The following PRR3 variants were observed in gnomAD, a reference collection of about 807,000 sequenced individuals.
PRR3 encodes the protein proline-rich protein 3.
Under a neutral mutation model 22.4 loss-of-function variants are expected in PRR3, and 16 were observed. That is an observed-to-expected ratio of 0.71 (90% confidence interval 0.48 to 1.09). The LOEUF is 1.09. Among genes scored for constraint, PRR3 ranks in the 50% least tolerant of loss-of-function variants. The probability of loss-of-function intolerance (pLI) is 0.00; values close to 1 mark genes in which losing one functional copy is unlikely to be tolerated. For missense variants in PRR3, 224 were observed against 243.4 expected, an observed-to-expected ratio of 0.92 and a Z score of 0.53; for synonymous variants, 87 against 88.6, an observed-to-expected ratio of 0.98 and a Z score of 0.10.
At position 30,561,341 on chromosome 6, in the gene PRR3, A is replaced by G. The variant is rs751204997; in HGVS notation, c.170-493A>G. 2.2e-6 allele frequency: 1 copy of G among 459,692 alleles called. No homozygotes were observed. Among genetic ancestry groups the G allele is most frequent in the South Asian group, 1.6e-5 (1 of 64,486 alleles). The allele number at this position is 459,692 out of a possible 1,614,324, so 28.5% of individuals were successfully genotyped here. A position where few individuals can be genotyped will look rare whatever the true frequency, so the allele number is the denominator to read the frequency against. ...TTCTCGTTATAGCCCCAAACTGGATACCACCCACATGTCCATCATCAGTAG... is the reference window on the plus strand; with the variant it reads ...TTCTCGTTATAGCCCCAAACTGGATGCCACCCACATGTCCATCATCAGTAG... On this transcript the variant is annotated intron_variant, in intron 2 of 3. Transcript: ENST00000376560. This position sits in a 1 kb window ranked among gnomAD's most constrained non-coding sequence, Gnocchi z 4.0.
Position 30,561,380 on chromosome 6 carries a change from A to G in PRR3, c.170-454A>G, listed in dbSNP as rs1318409047. On this transcript the variant is annotated intron_variant, in intron 2 of 3. Coordinates refer to ENST00000376560, the MANE Select transcript of PRR3 (RefSeq NM_025263.4). The surrounding 1 kb of genome is among the most constrained non-coding windows in gnomAD (Gnocchi z 4.0). ...CATCATCAGTAGAATGGATAAATAA[A>G]TTGTTGTGTATGCATGCAATGGGAC... 4.3e-6 allele frequency: 2 copies of G among 465,292 alleles called. No homozygotes were observed. The highest frequency in any genetic ancestry group is 3.1e-5 in the South Asian group (2 of 64,646). The allele number at this position is 465,292 out of a possible 1,614,324, so 28.8% of individuals were successfully genotyped here.
Position 30,562,535 on chromosome 6 carries a change from G to A in PRR3, c.*40G>A, listed in dbSNP as rs775021107. The A allele has an allele frequency of 2.3e-6, 3 of 1,293,392 alleles. No homozygotes were observed. In the Admixed American group the frequency reaches 5.2e-5, roughly 22 times the overall value. The allele number at this position is 1,293,392 out of a possible 1,614,324, so 80.1% of individuals were successfully genotyped here. A position where few individuals can be genotyped will look rare whatever the true frequency, so the allele number is the denominator to read the frequency against. On this transcript the variant is annotated 3_prime_UTR_variant, in exon 4 of 4. Coordinates refer to ENST00000376560, the MANE Select transcript of PRR3 (RefSeq NM_025263.4). ...ATCCAGGCTGGAAGGAGCTCTCTGT[G>A]ACCTAGCGGCCATTTATTTCTCTGT...
At position 30,557,298 on chromosome 6, in the gene PRR3, T is replaced by A. The variant is rs779632502; in HGVS notation, c.-47T>A. 5 of 1,488,914 alleles carry A rather than the reference T, an allele frequency of 3.4e-6. No homozygotes were observed. In the South Asian group the frequency reaches 5.8e-5, roughly 17 times the overall value. The allele number at this position is 1,488,914 out of a possible 1,614,324, so 92.2% of individuals were successfully genotyped here. ...CGGAAACAGAATCCCCGCGTGCCCC[T>A]TCCTCACTACCCTCCAAATCCCGCT... is the stretch of plus-strand genomic sequence containing the variant. On this transcript the variant is annotated 5_prime_UTR_variant, in exon 1 of 4. Transcript: ENST00000376560.
chr6:30,562,411 C>T lies in PRR3; in HGVS notation c.483C>T (p.Cys161=), dbSNP rs550955678. The change falls in exon 4 of 4, where the codon TGC becomes TGT. Residue 161 remains cysteine (C), a synonymous_variant. Coordinates refer to ENST00000376560, the MANE Select transcript of PRR3 (RefSeq NM_025263.4). ...CAGACAAATCCGACCGCCCTGTCTG[C>T]CGACATTTTGCCAAAAAGGGCCACT... ...VMEDKSDRPV[C]RHFAKKGHCR... 1.8e-5 allele frequency: 29 copies of T among 1,614,050 alleles called. No homozygotes were observed. In the South Asian group the frequency reaches 3.0e-4, roughly 16 times the overall value.
intron 1 of PRR3, 94 bp downstream of exon 1, chr6:30,557,544 GA>G: frequency 1.2e-6 from 1 of 839,664 alleles, no homozygotes; most frequent in Non-Finnish European, 1.9e-6. Context: ...GGCTGTAACG[GA>G]AGGAGGAAGG....
In PRR3 at chr6:30,561,457, C is replaced by T; in HGVS notation, c.170-377C>T. ...GCTGCTACAGGCAACCTGGATGAAT[C>T]TCACAAACATGATGTTGAGCGAAAG... On this transcript the variant is annotated intron_variant, in intron 2 of 3. Transcript: ENST00000376560. The surrounding 1 kb of genome is among the most constrained non-coding windows in gnomAD (Gnocchi z 4.0). 2.0e-6 allele frequency: 1 copy of T among 505,324 alleles called. No individual in the cohort carries two copies. The highest frequency in any genetic ancestry group is 5.4e-5 in the East Asian group (1 of 18,548). The allele number at this position is 505,324 out of a possible 1,614,324, so 31.3% of individuals were successfully genotyped here. A position where few individuals can be genotyped will look rare whatever the true frequency, so the allele number is the denominator to read the frequency against.
intron 3 of PRR3, 98 bp from the exon 4 acceptor site, chr6:30,562,291 G>C (rs894578279): frequency 8.6e-7 from 1 of 1,167,870 alleles, no homozygotes; most frequent in East Asian, 2.4e-5. Flanking sequence ...GAAATGGTAG[G>C]GGGTAGAAAA....
upstream of PRR3, chr6:30,556,945 G>A (rs1800259729): frequency 1.6e-6 from 1 of 623,484 alleles, no homozygotes; most frequent in East Asian, 2.7e-5. The surrounding 1 kb of genome is among the most constrained non-coding windows in gnomAD (Gnocchi z 5.7). Flanking sequence ...TGTGCCTGCA[G>A]CTGTTACCAT....
intron 2 of PRR3, among the ~76,000 whole-genome samples, chr6:30,559,678 G>A (rs1169511827): frequency 2.6e-5 from 4 of 152,072 alleles, no homozygotes; most frequent in Non-Finnish European, 4.4e-5. Context: ...TACTGCTGCT[G>A]GGATTATAAA....
chr6:30,563,110 T>G lies in PRR3; in HGVS notation c.*615T>G, dbSNP rs894804709. ...TATGGTCTATCTATGATCACCGTGC[T>G]TTGTGAAACTGTGCATCCCCTTGTA... On this transcript the variant is annotated 3_prime_UTR_variant, in exon 4 of 4. Coordinates refer to ENST00000376560, the MANE Select transcript of PRR3 (RefSeq NM_025263.4). 1 of 152,628 alleles carries G rather than the reference T, an allele frequency of 6.6e-6. No homozygotes were observed. Among genetic ancestry groups the G allele is most frequent in the Non-Finnish European group, 1.5e-5 (1 of 68,058 alleles). 9.5% of individuals were successfully genotyped at this position (152,628 alleles called of 1,614,324 possible).
At chr6:30,559,106 A>G (rs77138191) in intron 2 of PRR3, among the ~76,000 whole-genome samples, 3,110 of 152,320 alleles carry the variant, frequency 0.02, 97 homozygotes, top group African/African-American at 0.068. Context: ...GGCTGGGTAC[A>G]GTGGCTCACG....
intron 2 of PRR3, 165 bp downstream of exon 2, chr6:30,558,377 A>C: frequency 1.6e-6 from 1 of 608,752 alleles, no homozygotes; most frequent in Non-Finnish European, 2.9e-6. Flanking sequence ...TGTTGTAAAA[A>C]TGTCACTTCT....
At position 30,561,824 on chromosome 6, in the gene PRR3, C is replaced by G. The variant is rs762940428; in HGVS notation, c.170-10C>G. ...CACCTTTCTGTGTCTCTCTCTCTCT[C>G]TCTCTCCAGCTCTTCACAGAGGTCC... is the stretch of plus-strand genomic sequence containing the variant. On this transcript the variant is annotated splice_polypyrimidine_tract_variant and intron_variant, in intron 2 of 3. Transcript: ENST00000376560. This position sits in a 1 kb window ranked among gnomAD's most constrained non-coding sequence, Gnocchi z 4.0. The G allele has an allele frequency of 6.5e-7, 1 of 1,529,054 alleles. No individual in the cohort carries two copies. Among genetic ancestry groups the G allele is most frequent in the Non-Finnish European group, 8.8e-7 (1 of 1,136,950 alleles). 94.7% of individuals were successfully genotyped at this position (1,529,054 alleles called of 1,614,324 possible).
Position 30,557,369 on chromosome 6 carries a change from C to A in PRR3, c.25C>A (p.His9Asn). The change falls in exon 1 of 4, where the codon CAT becomes AAT. Residue 9 changes from histidine (H) to asparagine (N), a missense_variant. His to Asn is a moderately conservative substitution (Grantham distance 68). Transcript: ENST00000376560. MPKRKKQN[H>N]HQPPTQQQPP... Reference sequence around the variant, plus strand: ...GATGCCGAAACGAAAGAAGCAGAATCATCACCAGCCACCGACACAGCAGCA... The same window carrying A: ...GATGCCGAAACGAAAGAAGCAGAATAATCACCAGCCACCGACACAGCAGCA... 1 of 1,612,642 alleles carries A rather than the reference C, an allele frequency of 6.2e-7. No individual in the cohort carries two copies. The highest frequency in any genetic ancestry group is 2.2e-5 in the East Asian group (1 of 44,884).
chr6:30,556,781 G>T, upstream of PRR3: 1 of 450,702 alleles, frequency 2.2e-6, no homozygotes, highest in Non-Finnish European at 4.0e-6. The surrounding 1 kb of genome is among the most constrained non-coding windows in gnomAD (Gnocchi z 5.7). Flanking sequence ...GAGGGCGGCG[G>T]TCTGAGAGTC....
chr6:30,562,266 A>G (rs56165602), intron 3 of PRR3, 123 bp from the exon 4 acceptor site: 3 of 1,180,688 alleles, frequency 2.5e-6, no homozygotes, highest in Admixed American at 4.3e-5. Flanking sequence ...AAAGACTACC[A>G]TTCCAAAATA....
Position 30,557,402 on chromosome 6 carries a change from C to A in PRR3, c.58C>A (p.Leu20Met), listed in dbSNP as rs753779511. 1.2e-6 allele frequency: 2 copies of A among 1,612,746 alleles called. No homozygotes were observed. The highest frequency in any genetic ancestry group is 2.2e-5 in the South Asian group (2 of 91,056). ...HQPPTQQQPP[L>M]PEREETGDEE... ...GCCACCGACACAGCAGCAGCCCCCG[C>A]TGCCCGAGCGGGAAGAGACTGGAGA... The change falls in exon 1 of 4, where the codon CTG (leucine) becomes ATG (methionine). Residue 20 changes from leucine to methionine, a missense_variant. Transcript: ENST00000376560.
upstream of PRR3, chr6:30,556,747 G>C (rs1275006464): frequency 2.5e-6 from 1 of 403,588 alleles, no homozygotes; most frequent in South Asian, 2.3e-5. The surrounding 1 kb of genome is among the most constrained non-coding windows in gnomAD (Gnocchi z 5.7). Context: ...ACTACACCGG[G>C]GGCACGGTCA....
upstream of PRR3, chr6:30,556,951 AC>A: frequency 1.6e-6 from 1 of 626,176 alleles, no homozygotes; most frequent in East Asian, 2.7e-5. This position sits in a 1 kb window ranked among gnomAD's most constrained non-coding sequence, Gnocchi z 5.7. Context: ...TGCAGCTGTT[AC>A]CATAGTAACC....
Sources: gnomAD v4.1 joint callset for allele counts (sites outside exome capture counted in the v4.1 genomes callset) on GRCh38, gnomAD v4.1.1 for gene constraint, Gnocchi (gnomAD v3.1) non-coding constraint, MANE v1.5 for transcripts, NCBI Gene and HGNC (gene_info 2026-07-23, HGNC 2026-07-21) for gene names.